Variants in BAZ2A observed in about 807,000 individuals in gnomAD.
BAZ2A encodes the protein bromodomain adjacent to zinc finger domain 2A, also known as bromodomain adjacent to zinc finger domain protein 2A.
Under a neutral mutation model 199.9 loss-of-function variants are expected in BAZ2A, and 34 were observed. The ratio of observed to expected loss-of-function variants is 0.17; its 90% CI spans 0.13 to 0.23. BAZ2A has a LOEUF of 0.23. Ranked by LOEUF, BAZ2A falls within the 10% of genes least tolerant of loss-of-function variation. The pLI, the probability that BAZ2A is intolerant of heterozygous loss-of-function variation, is 1.00. For missense variants in BAZ2A, 2,002 were observed against 2,391.1 expected (o/e 0.84, Z 3.39); for synonymous variants, 857 against 883.9 (o/e 0.97, Z 0.54).
At position 56,611,930 on chromosome 12, in the gene BAZ2A, C is replaced by T; in HGVS notation, c.1452G>A (p.Leu484=). ...VLPAVSLEVP[L]TASVTSPKAS... is the part of the protein sequence containing the mutation. ...CTTTTGGGGATGTCACTGAAGCCGT[C>T]AACGGGACTTCTAAGGAGACTGCTG... The change falls in exon 6 of 29, where the codon TTG becomes TTA. Residue 484 remains leucine (L), a synonymous_variant. Transcript: ENST00000549884. The T allele has an allele frequency of 6.2e-7, 1 of 1,612,000 alleles. No individual in the cohort carries two copies. Among genetic ancestry groups the T allele is most frequent in the Non-Finnish European group, 8.5e-7 (1 of 1,178,982 alleles).
rs775933407 is a variant in BAZ2A at position 56,596,107 on chromosome 12, CA to C, written c.*2510del. 2.6e-5 allele frequency: 4 copies of C among 152,630 alleles called. No individual in the cohort carries two copies. The highest frequency in any genetic ancestry group is 7.2e-5 in the African/African-American group (3 of 41,450). 9.5% of individuals were successfully genotyped at this position (152,630 alleles called of 1,614,324 possible). On this transcript the variant is annotated 3_prime_UTR_variant, in exon 29 of 29. Transcript: ENST00000549884. The stretch of plus-strand genomic sequence containing the variant: ...ATAGAAAGAAATAAATTTAAATTCA[CA>C]AAAAACTGTACATTATCAAAAAGTC...
chr12:56,604,827 G>A (rs1360002582), intron 14 of BAZ2A, 28 bp from the exon 15 acceptor site: 1 of 1,603,372 alleles, frequency 6.2e-7, no homozygotes. Flanking sequence ...TAATGGGGGT[G>A]AGTAGGGAAA....
chr12:56,604,913 C>T (rs1419580977), intron 14 of BAZ2A, 114 bp from the exon 15 acceptor site: 21 of 1,342,654 alleles, frequency 1.6e-5, no homozygotes, highest in Middle Eastern at 1.9e-4. Flanking sequence ...AGACAGAATA[C>T]GAAAGAAGAC....
At position 56,610,229 on chromosome 12, in the gene BAZ2A, G is replaced by C. The variant is rs1340405639; in HGVS notation, c.1780-14C>G. The stretch of plus-strand genomic sequence containing the variant: ...GCGGCTCAGGTACTAAGAGGAAGAA[G>C]TAAAGTAACATTAATAAAGTTGGAT... On this transcript the variant is annotated splice_polypyrimidine_tract_variant and intron_variant, in intron 8 of 28. Coordinates refer to ENST00000549884, the MANE Select transcript of BAZ2A (RefSeq NM_001300905.2). The C allele has an allele frequency of 2.5e-6, 4 of 1,613,284 alleles. No homozygotes were observed. Among genetic ancestry groups the C allele is most frequent in the Non-Finnish European group, 3.4e-6 (4 of 1,179,272 alleles).
chr12:56,605,894 C>T lies in BAZ2A; in HGVS notation c.2429G>A (p.Arg810Lys). ...CATTTCCTCCAAGATCATCTGCTGC[C>T]TCTGCCGTTCCTCCAAGCGCCTCTG... is the stretch of plus-strand genomic sequence containing the variant. ...ATQRRLEERQ[R>K]QQMILEEMKK... The change falls in exon 13 of 29, where the codon AGG becomes AAG. Residue 810 changes from arginine (R) to lysine (K), a missense_variant. By Grantham distance (26) the Arg-to-Lys change is conservative (BLOSUM62 2). This residue lies in a region of BAZ2A where 1,081 missense variants were observed against 1,274.7 expected (regional missense o/e 0.85). Coordinates refer to ENST00000549884, the MANE Select transcript of BAZ2A (RefSeq NM_001300905.2). 1 of 1,595,404 alleles carries T rather than the reference C, an allele frequency of 6.3e-7. No individual in the cohort carries two copies. Among genetic ancestry groups the T allele is most frequent in the South Asian group, 1.1e-5 (1 of 87,974 alleles).
chr12:56,626,671 C>T (rs1054952610), intron 1 of BAZ2A, among the ~76,000 whole-genome samples: 1 of 152,194 alleles, frequency 6.6e-6, no homozygotes, highest in African/African-American at 2.4e-5. Context: ...TCATTCAGCT[C>T]CCAATTCAAT....
chr12:56,628,382 A>T lies in BAZ2A; in HGVS notation c.-3+1743T>A, dbSNP rs185173837. Among the ~76,000 whole-genome samples the T allele has an allele frequency of 4.2e-3, 638 of 152,072 alleles. 4 individuals are homozygous for T. The highest frequency in any genetic ancestry group is 0.015 in the African/African-American group (611 of 41,438). On this transcript the variant is annotated intron_variant, in intron 1 of 28. Coordinates refer to ENST00000549884, the MANE Select transcript of BAZ2A (RefSeq NM_001300905.2). The stretch of plus-strand genomic sequence containing the variant: ...TCAAGTGAAAAGAAAGAAAAAAAAA[A>T]TCTGGGCACGACTTTGCAGGGAACA...
chr12:56,605,062 C>G lies in BAZ2A; in HGVS notation c.2748+11G>C, dbSNP rs766390608. 2 of 1,590,452 alleles carry G rather than the reference C, an allele frequency of 1.3e-6. No homozygotes were observed. The highest frequency in any genetic ancestry group is 2.3e-5 in the South Asian group (2 of 88,650). On this transcript the variant is annotated intron_variant, in intron 14 of 28. Coordinates refer to ENST00000549884, the MANE Select transcript of BAZ2A (RefSeq NM_001300905.2). ...CTTGTCCTGGTTACTTTGGGAGGGACTTGCACTCACCTGACAGTAGGAGGG... is the reference window on the plus strand; with the variant it reads ...CTTGTCCTGGTTACTTTGGGAGGGAGTTGCACTCACCTGACAGTAGGAGGG...
intron 11 of BAZ2A, 48 bp downstream of exon 11, chr12:56,606,585 G>C: frequency 6.5e-7 from 1 of 1,530,356 alleles, no homozygotes; most frequent in Non-Finnish European, 9.1e-7. Flanking sequence ...GATGAAGTAA[G>C]TTGTAGGAAA....
intron 3 of BAZ2A, 92 bp from the exon 4 acceptor site, chr12:56,614,230 T>G: frequency 7.7e-7 from 1 of 1,297,036 alleles, no homozygotes; most frequent in Non-Finnish European, 1.1e-6. Context: ...GCTAGAAGGA[T>G]GTTCATTCAT....
intron 7 of BAZ2A, chr12:56,611,296 T>C (rs1202144156): frequency 3.8e-6 from 2 of 532,906 alleles, no homozygotes; most frequent in Middle Eastern, 4.9e-4. Context: ...ATGTGAGCCC[T>C]AGGGTTTGGA....
At chr12:56,634,659 G>GA (rs1389793445), upstream of BAZ2A, among the ~76,000 whole-genome samples, 1 of 152,094 alleles carries the variant, frequency 6.6e-6, no homozygotes, top group Non-Finnish European at 1.5e-5. Flanking sequence ...CAGACCGCGG[G>GA]AGATTTTTCT....
At chr12:56,615,738 T>C in intron 2 of BAZ2A, 131 bp from the exon 3 acceptor site, 1 of 801,920 alleles carries the variant, frequency 1.2e-6, no homozygotes. Context: ...CCCTGCTATA[T>C]TTAGTTTTTG....
At chr12:56,630,023 G>A (rs1951253155) in intron 1 of BAZ2A, 102 bp downstream of exon 1, 2 of 848,618 alleles carry the variant, frequency 2.4e-6, no homozygotes, top group Non-Finnish European at 2.8e-6. Flanking sequence ...TCCCGCCCCG[G>A]CAAGGCTCAA....
chr12:56,612,674 G>A (rs531765984), intron 5 of BAZ2A, among the ~76,000 whole-genome samples: 50 of 152,278 alleles, frequency 3.3e-4, no homozygotes, highest in Middle Eastern at 3.4e-3. Flanking sequence ...CCAGGTTGGA[G>A]TGCAACGACA....
chr12:56,619,181 T>C (rs1275705025), intron 1 of BAZ2A, among the ~76,000 whole-genome samples: 1 of 150,038 alleles, frequency 6.7e-6, no homozygotes, highest in Non-Finnish European at 1.5e-5. Flanking sequence ...CTACCTCTAC[T>C]AAAAAATACA....
At chr12:56,605,594 G>T (rs892332539) in intron 13 of BAZ2A, 1 of 610,170 alleles carries the variant, frequency 1.6e-6, no homozygotes, top group Non-Finnish European at 2.8e-6. Context: ...GCTAATTTTC[G>T]TATTTTTTGT....
intron 2 of BAZ2A, among the ~76,000 whole-genome samples, chr12:56,616,526 A>G (rs1409955987): frequency 6.6e-6 from 1 of 151,982 alleles, no homozygotes; most frequent in East Asian, 1.9e-4. Context: ...CTGGCGGGGT[A>G]GGGGGGGCAC....
At chr12:56,631,840 T>G (rs753642900), upstream of BAZ2A, among the ~76,000 whole-genome samples, 2 of 152,082 alleles carry the variant, frequency 1.3e-5, no homozygotes, top group African/African-American at 2.4e-5. Context: ...CAGTCTACAT[T>G]GGATTTCCTT....
Sources: allele counts gnomAD v4.1 joint callset (sites outside exome capture counted in the v4.1 genomes callset), GRCh38; gene constraint gnomAD v4.1.1; regional missense constraint gnomAD v4.1.1; transcripts MANE v1.5; gene names NCBI Gene and HGNC (gene_info 2026-07-23, HGNC 2026-07-21).